The following PADI4 variants were observed in gnomAD, a reference collection of about 807,000 sequenced individuals.
PADI4 encodes peptidyl arginine deiminase 4.
A neutral mutation model predicts 75.0 loss-of-function variants in PADI4; 62 were observed. The ratio of observed to expected loss-of-function variants is 0.83; its 90% CI spans 0.67 to 1.02. The LOEUF is 1.02. Ranked by LOEUF, PADI4 falls within the 50% of genes least tolerant of loss-of-function variation. The pLI is 0.00. For synonymous variants in PADI4, 361 were observed against 348.1 expected (o/e 1.04, Z -0.41); for missense variants, 845 against 850.5 (o/e 0.99, Z 0.08).
Position 17,322,490 on chromosome 1 carries a change from C to CG in PADI4, c.93-8479_93-8478insG, listed in dbSNP as rs974611877. Reference sequence around the variant, plus strand: ...GGTGACAGAGTGAGACTCCATCCCCCCCCAAAAAAAAAGATAAGCTATAAA... The same window carrying CG: ...GGTGACAGAGTGAGACTCCATCCCCCGCCCAAAAAAAAAGATAAGCTATAAA... On this transcript the variant is annotated intron_variant, in intron 1 of 15. Transcript: ENST00000375448. Among the ~76,000 whole-genome samples the CG allele has an allele frequency of 3.3e-5, 4 of 121,412 alleles. No individual in the cohort carries two copies. In the East Asian group the frequency reaches 6.8e-4, roughly 21 times the overall value. The allele number at this position is 121,412 out of a possible 152,430, so 79.7% of individuals were successfully genotyped here.
intron 1 of PADI4, among the ~76,000 whole-genome samples, chr1:17,321,303 C>A (rs1345704812): frequency 6.6e-6 from 1 of 152,132 alleles, no homozygotes; most frequent in Non-Finnish European, 1.5e-5. Context: ...TCAGTCTGAC[C>A]ATAGCACAGG....
chr1:17,351,718 G>A lies in PADI4; in HGVS notation c.1156-2815G>A, dbSNP rs1353718214. On this transcript the variant is annotated intron_variant, in intron 10 of 15. Coordinates refer to ENST00000375448, the MANE Select transcript of PADI4 (RefSeq NM_012387.3). ...GATGCTTGAGGGAGGTGAGCGAGTT[G>A]GCCATGTGAGTGGGTGTCTGGGTGA... Among the ~76,000 whole-genome samples, 3 of 152,152 alleles carry A rather than the reference G, an allele frequency of 2.0e-5. No homozygotes were observed. The South Asian group carries it at 6.2e-4, about 32-fold the overall frequency.
chr1:17,323,453 C>A (rs1264679121), intron 1 of PADI4, among the ~76,000 whole-genome samples: 1 of 152,194 alleles, frequency 6.6e-6, no homozygotes, highest in Non-Finnish European at 1.5e-5. Context: ...CCACCATATA[C>A]TTTTCCTGTA....
chr1:17,333,832 T>C, intron 2 of PADI4, 111 bp from the exon 3 acceptor site: 1 of 766,126 alleles, frequency 1.3e-6, no homozygotes, highest in Non-Finnish European at 2.3e-6. Flanking sequence ...GACCAGTTCT[T>C]GCCCAACTTT....
chr1:17,331,117 A>G lies in PADI4; in HGVS notation c.241A>G (p.Lys81Glu). 6.2e-7 allele frequency: 1 copy of G among 1,612,110 alleles called. No homozygotes were observed. The highest frequency in any genetic ancestry group is 1.7e-5 in the Admixed American group (1 of 59,618). Residue 81 changes from lysine (K) to glutamate (E), a missense_variant, in exon 2 of 16, where the codon AAA (lysine) becomes GAA (glutamate). Lys to Glu is a moderately conservative substitution (Grantham distance 56). Transcript: ENST00000375448. ...DPGVEVTLTM[K>E]VASGSTGDQK... ...TGGGGTAGAGGTGACCCTGACGATGAAAGTGGCCAGTGGTAGCACAGGCGA... is the reference window on the plus strand; with the variant it reads ...TGGGGTAGAGGTGACCCTGACGATGGAAGTGGCCAGTGGTAGCACAGGCGA...
In PADI4 at chr1:17,363,471, G is replaced by A. The variant is rs112465041; in HGVS notation, c.1759-51G>A. ...AGAAGGGTGGGGCCGCTCAGATTGC[G>A]CTGCAGGCTGCCCGCTGCTGCCTGT... On this transcript the variant is annotated intron_variant, in intron 15 of 15. Transcript: ENST00000375448. 2.6e-5 allele frequency: 34 copies of A among 1,313,004 alleles called. 1 individual carries two copies. Among genetic ancestry groups the A allele is most frequent in the East Asian group, 1.9e-4 (8 of 41,780 alleles). The allele number at this position is 1,313,004 out of a possible 1,614,324, so 81.3% of individuals were successfully genotyped here. A position where few individuals can be genotyped will look rare whatever the true frequency, so the allele number is the denominator to read the frequency against.
At chr1:17,309,676 C>T (rs1238781511) in intron 1 of PADI4, among the ~76,000 whole-genome samples, 2 of 152,210 alleles carry the variant, frequency 1.3e-5, no homozygotes, top group South Asian at 2.1e-4. Flanking sequence ...ACAGGAGTGC[C>T]GGGGACATTT....
At chr1:17,361,565 T>C (rs2074849328) in intron 15 of PADI4, among the ~76,000 whole-genome samples, 1 of 152,256 alleles carries the variant, frequency 6.6e-6, no homozygotes, top group Non-Finnish European at 1.5e-5. Context: ...GGAAAATGGC[T>C]GTGCATCTAC....
rs369679127 is a variant in PADI4, at chr1:17,308,222, G to A, written c.-1G>A. The A allele has an allele frequency of 7.9e-4, 1,272 of 1,613,766 alleles. 13 individuals carry two copies. The Admixed American group carries it at 0.012, about 15-fold the overall frequency. Reference sequence around the variant, plus strand: ...AGCCAGAGGGACGAGCTAGCCCGACGATGGCCCAGGGGACATTGATCCGTG... The same window carrying A: ...AGCCAGAGGGACGAGCTAGCCCGACAATGGCCCAGGGGACATTGATCCGTG... On this transcript the variant is annotated 5_prime_UTR_variant, in exon 1 of 16. Coordinates refer to ENST00000375448, the MANE Select transcript of PADI4 (RefSeq NM_012387.3).
At chr1:17,342,272 T>C in intron 7 of PADI4, 27 bp from the exon 8 acceptor site, 1 of 1,492,078 alleles carries the variant, frequency 6.7e-7, no homozygotes, top group Non-Finnish European at 9.3e-7. Flanking sequence ...TGACAGCCCC[T>C]CCTTCCCCTT....
Position 17,342,417 on chromosome 1 carries a change from G to T in PADI4, c.935+15G>T, listed in dbSNP as rs372885521. On this transcript the variant is annotated intron_variant, in intron 8 of 15. Transcript: ENST00000375448. The stretch of plus-strand genomic sequence containing the variant: ...TACGCGTGCAGGTGAGAGGTCCTGG[G>T]GTGCTGGGGTGGGTCCAGACAACAA... 1 of 1,509,004 alleles carries T rather than the reference G, an allele frequency of 6.6e-7. No homozygotes were observed. The highest frequency in any genetic ancestry group is 9.2e-7 in the Non-Finnish European group (1 of 1,085,626). The allele number at this position is 1,509,004 out of a possible 1,614,324, so 93.5% of individuals were successfully genotyped here. A position where few individuals can be genotyped will look rare whatever the true frequency, so the allele number is the denominator to read the frequency against.
In PADI4 at chr1:17,346,496, C is replaced by A. The variant is rs574349478; in HGVS notation, c.1047+357C>A. Among the ~76,000 whole-genome samples the A allele has an allele frequency of 9.2e-5, 14 of 152,318 alleles. No homozygotes were observed. Among genetic ancestry groups the A allele is most frequent in the African/African-American group, 3.1e-4 (13 of 41,560 alleles). ...CTTGGGCCCAGCCACCAAAGCAGGT[C>A]ACACCCCAGCTCCAGCACTTTCCAT... On this transcript the variant is annotated intron_variant, in intron 9 of 15. Coordinates refer to ENST00000375448, the MANE Select transcript of PADI4 (RefSeq NM_012387.3). The surrounding 1 kb of genome is among the most constrained non-coding windows in gnomAD (Gnocchi z 4.3).
chr1:17,342,702 C>T (rs767758119), intron 8 of PADI4, among the ~76,000 whole-genome samples: 18 of 152,102 alleles, frequency 1.2e-4, no homozygotes, highest in Non-Finnish European at 7.4e-5. Context: ...GGGCTGGGCA[C>T]GGTGGCTCAC....
chr1:17,309,670 G>A (rs1192741669), intron 1 of PADI4, among the ~76,000 whole-genome samples: 3 of 152,240 alleles, frequency 2.0e-5, no homozygotes, highest in Non-Finnish European at 4.4e-5. Context: ...GTGCCCACAG[G>A]AGTGCCGGGG....
At chr1:17,316,516 C>T (rs1283631022) in intron 1 of PADI4, among the ~76,000 whole-genome samples, 4 of 151,652 alleles carry the variant, frequency 2.6e-5, no homozygotes, top group South Asian at 2.1e-4. Context: ...AGTGAAACCC[C>T]GTCTCTACTA....
chr1:17,327,765 C>A (rs1470686787), intron 1 of PADI4, among the ~76,000 whole-genome samples: 2 of 151,976 alleles, frequency 1.3e-5, no homozygotes, highest in African/African-American at 4.8e-5. Context: ...AGGCCGGTCT[C>A]AAACTCCTAA....
intron 1 of PADI4, among the ~76,000 whole-genome samples, chr1:17,312,460 CAAA>C (rs56407736): frequency 9.1e-6 from 1 of 110,164 alleles, no homozygotes. Flanking sequence ...AACTCCGCCT[CAAA>C]AAAAAAAAAA....
chr1:17,352,357 C>T (rs1283183686), intron 10 of PADI4, among the ~76,000 whole-genome samples: 2 of 152,030 alleles, frequency 1.3e-5, no homozygotes, highest in Non-Finnish European at 2.9e-5. Context: ...TTGTTGGCTA[C>T]TGTTAAGGCT....
chr1:17,343,710 G>GT (rs911990576), intron 8 of PADI4, among the ~76,000 whole-genome samples: 11 of 152,184 alleles, frequency 7.2e-5, no homozygotes, highest in African/African-American at 2.7e-4. Flanking sequence ...AGATCTGATG[G>GT]TTTTATCAGG....
Sources: gnomAD v4.1 joint callset for allele counts (sites outside exome capture counted in the v4.1 genomes callset) on GRCh38, gnomAD v4.1.1 for gene constraint, Gnocchi (gnomAD v3.1) non-coding constraint, MANE v1.5 for transcripts, NCBI Gene and HGNC (gene_info 2026-07-23, HGNC 2026-07-21) for gene names.